The following DIP2A variants were observed in gnomAD, a reference collection of about 807,000 sequenced individuals.
The protein encoded by DIP2A is disco-interacting protein 2 homolog A.
In DIP2A, 85 loss-of-function variants were observed where a neutral mutation model predicts 177.4. That is an observed-to-expected ratio of 0.48 (90% CI 0.40 to 0.57). DIP2A has a LOEUF of 0.57. Ranked by LOEUF, DIP2A falls within the 20% of genes least tolerant of loss-of-function variation. The probability of loss-of-function intolerance (pLI) is 0.00; values close to 1 mark genes in which losing one functional copy is unlikely to be tolerated. For missense variants in DIP2A, 1,791 were observed against 2,100.2 expected, an observed-to-expected ratio of 0.85 and a Z score of 2.88; for synonymous variants, 886 against 881.8, an observed-to-expected ratio of 1.00 and a Z score of -0.08.
intron 18 of DIP2A, among the ~76,000 whole-genome samples, chr21:46,542,982 G>C (rs940309394): frequency 3.9e-5 from 6 of 152,258 alleles, no homozygotes; most frequent in African/African-American, 1.4e-4. Flanking sequence ...CCTGGGGCCA[G>C]CTGGTGCCTG....
At chr21:46,471,778 G>A (rs1179339405) in intron 1 of DIP2A, among the ~76,000 whole-genome samples, 1 of 152,214 alleles carries the variant, frequency 6.6e-6, no homozygotes, top group African/African-American at 2.4e-5. Flanking sequence ...CTTGAAGGCA[G>A]CAGCTAAAAT....
intron 20 of DIP2A, chr21:46,546,163 A>G (rs2060030209): frequency 7.2e-7 from 1 of 1,382,604 alleles, no homozygotes; most frequent in Non-Finnish European, 9.4e-7. Flanking sequence ...ACAGTCCTGC[A>G]CACAGGCCTG....
At position 46,568,858 on chromosome 21, in the gene DIP2A, A is replaced by T. The variant is rs975596874; in HGVS notation, c.*1236A>T. The T allele has an allele frequency of 6.6e-6, 1 of 152,190 alleles. No homozygotes were observed. The highest frequency in any genetic ancestry group is 2.4e-5 in the African/African-American group (1 of 41,442). The allele number at this position is 152,190 out of a possible 1,614,324, so 9.4% of individuals were successfully genotyped here. On this transcript the variant is annotated 3_prime_UTR_variant, in exon 38 of 38. Transcript: ENST00000417564. ...ACAGTTGAGGGGAGCAGGGAACAGC[A>T]TTGCCCCGTATTGAAGGTGGAGATG... is the stretch of plus-strand genomic sequence containing the variant.
chr21:46,530,389 G>T (rs560193801), intron 9 of DIP2A, among the ~76,000 whole-genome samples: 2 of 152,200 alleles, frequency 1.3e-5, no homozygotes, highest in East Asian at 3.9e-4. Flanking sequence ...AAAAGACAAA[G>T]AAAAGGGAAG....
At chr21:46,574,638 T>C (rs1056899892), downstream of DIP2A, among the ~76,000 whole-genome samples, 1 of 152,124 alleles carries the variant, frequency 6.6e-6, no homozygotes, top group Non-Finnish European at 1.5e-5. Context: ...TTACCAATTC[T>C]ACAGTAATAA....
chr21:46,532,019 T>C (rs2148757397), intron 9 of DIP2A, 108 bp from the exon 10 acceptor site: 1 of 988,438 alleles, frequency 1.0e-6, no homozygotes, highest in Non-Finnish European at 1.5e-6. Flanking sequence ...AGCACAATTA[T>C]TACAATATTT....
At position 46,551,849 on chromosome 21, in the gene DIP2A, A is replaced by G. The variant is rs767390788; in HGVS notation, c.2975A>G (p.Gln992Arg). The G allele has an allele frequency of 6.2e-7, 1 of 1,612,374 alleles. No homozygotes were observed. Among genetic ancestry groups the G allele is most frequent in the South Asian group, 1.1e-5 (1 of 90,728 alleles). The change falls in exon 25 of 38, where the codon CAG (glutamine) becomes CGG (arginine). Residue 992 changes from glutamine to arginine, a missense_variant. By Grantham distance (43) the Gln-to-Arg change is conservative. Coordinates refer to ENST00000417564, the MANE Select transcript of DIP2A (RefSeq NM_015151.4). Reference protein sequence around the residue: ...RKFLFLADVLQWRAHTTPDHP... With the variant: ...RKFLFLADVLRWRAHTTPDHP... ...TTCCTGTTCCTGGCTGACGTGCTGC[A>G]GTGGCGTGCCCACACCACTCCTGAC...
At chr21:46,514,637 TTTTG>T (rs2058480848) in intron 8 of DIP2A, among the ~76,000 whole-genome samples, 3 of 138,182 alleles carry the variant, frequency 2.2e-5, no homozygotes, top group Admixed American at 7.2e-5. Flanking sequence ...TTTTTTTTTT[TTTTG>T]GTTTTTTTTT....
intron 37 of DIP2A, 75 bp from the exon 38 acceptor site, chr21:46,567,295 C>T: frequency 3.9e-6 from 6 of 1,544,062 alleles, no homozygotes; most frequent in East Asian, 2.3e-5. Flanking sequence ...CTTTGTGCCA[C>T]CCTTTCCCAA....
Position 46,537,987 on chromosome 21 carries a change from G to A in DIP2A, c.1801+448G>A, listed in dbSNP as rs1256908446. ...GCCCCTCTAGACATGTCTCAGAGCA[G>A]TGTGGAGGGGCAGCTCTCTCTGTCT... On this transcript the variant is annotated intron_variant, in intron 15 of 37. Transcript: ENST00000417564. The surrounding 1 kb of genome is among the most constrained non-coding windows in gnomAD (Gnocchi z 4.1). Among the ~76,000 whole-genome samples, 1 of 152,176 alleles carries A rather than the reference G, an allele frequency of 6.6e-6. No individual in the cohort carries two copies. The highest frequency in any genetic ancestry group is 1.5e-5 in the Non-Finnish European group (1 of 68,018).
chr21:46,527,543 C>T (rs567754285), intron 8 of DIP2A, among the ~76,000 whole-genome samples: 2 of 152,108 alleles, frequency 1.3e-5, no homozygotes, highest in African/African-American at 2.4e-5. Context: ...CCAGTCTGGT[C>T]TCGAACTCCT....
At chr21:46,547,248 A>C in intron 21 of DIP2A, 1 of 1,322,780 alleles carries the variant, frequency 7.6e-7, no homozygotes, top group Non-Finnish European at 9.7e-7. Context: ...AGTTCCTTGG[A>C]TTCCTTAAGA....
At chr21:46,531,467 T>C (rs2059353377) in intron 9 of DIP2A, among the ~76,000 whole-genome samples, 1 of 152,238 alleles carries the variant, frequency 6.6e-6, no homozygotes, top group African/African-American at 2.4e-5. Flanking sequence ...TAATACTTTA[T>C]GATATGTTGT....
Position 46,565,461 on chromosome 21 carries a change from G to A in DIP2A, c.4165-252G>A, listed in dbSNP as rs113218311. 3.5e-4 allele frequency among the ~76,000 whole-genome samples: 53 copies of A among 152,324 alleles called. 1 individual carries two copies. Among genetic ancestry groups the A allele is most frequent in the Middle Eastern group, 3.4e-3 (1 of 294 alleles). On this transcript the variant is annotated intron_variant, in intron 35 of 37. Coordinates refer to ENST00000417564, the MANE Select transcript of DIP2A (RefSeq NM_015151.4). ...GAATTGCCCCTCTCGACTTACCCAC[G>A]TAGGATAGAGTCCTACAGATGACAT...
chr21:46,484,955 G>C, intron 2 of DIP2A, 127 bp downstream of exon 2: 1 of 816,718 alleles, frequency 1.2e-6, no homozygotes, highest in South Asian at 2.3e-5. Context: ...GGTATATGTT[G>C]ATTATTGATT....
At chr21:46,546,516 G>A (rs951604897) in intron 20 of DIP2A, among the ~76,000 whole-genome samples, 1 of 152,234 alleles carries the variant, frequency 6.6e-6, no homozygotes, top group Non-Finnish European at 1.5e-5. Flanking sequence ...AGCCCAGAAG[G>A]TCCCTGGTGC....
chr21:46,518,817 G>A (rs1050221386), intron 8 of DIP2A, among the ~76,000 whole-genome samples: 4 of 152,210 alleles, frequency 2.6e-5, no homozygotes, highest in Admixed American at 6.5e-5. Flanking sequence ...AGATTGCACC[G>A]CTGCACTGCA....
chr21:46,582,656 T>G, the DIP2A span, among the ~76,000 whole-genome samples: 1 of 152,062 alleles, frequency 6.6e-6, no homozygotes, highest in Non-Finnish European at 1.5e-5. Context: ...TCAGTCTCAA[T>G]GAGAGAACCT....
intron 2 of DIP2A, among the ~76,000 whole-genome samples, chr21:46,486,860 TACC>T (rs1052647670): frequency 6.6e-6 from 1 of 152,180 alleles, no homozygotes; most frequent in Non-Finnish European, 1.5e-5. Context: ...AGAACTCAAA[TACC>T]CATCAACAGA....
Sources: allele counts gnomAD v4.1 joint callset (sites outside exome capture counted in the v4.1 genomes callset), GRCh38; gene constraint gnomAD v4.1.1; non-coding constraint Gnocchi (gnomAD v3.1); transcripts MANE v1.5; gene names NCBI Gene and HGNC (gene_info 2026-07-23, HGNC 2026-07-21).